FBXO17: variants seen among roughly 807,000 people sequenced by gnomAD.
The protein encoded by FBXO17 is F-box only protein 17.
FBXO17 carries 43 observed loss-of-function variants against 34.1 expected under a neutral mutation model. The ratio of observed to expected loss-of-function variants is 1.26; its 90% CI spans 0.99 to 1.62. The LOEUF is 1.62. FBXO17 is among the 40% of genes most tolerant of loss of function. The pLI, the probability that FBXO17 is intolerant of heterozygous loss-of-function variation, is 0.00. For synonymous variants in FBXO17, 169 were observed against 166.0 expected, an observed-to-expected ratio of 1.02 and a Z score of -0.14; for missense variants, 424 against 386.7, an observed-to-expected ratio of 1.10 and a Z score of -0.81.
At chr19:38,962,573 C>T (rs1269121477) in intron 1 of FBXO17, among the ~76,000 whole-genome samples, 2 of 152,140 alleles carry the variant, frequency 1.3e-5, no homozygotes, top group Non-Finnish European at 2.9e-5. Flanking sequence ...ATAGGGATGC[C>T]TTTGTCCTTC....
At chr19:38,949,528 CCCA>C (rs1975038194) in intron 2 of FBXO17, among the ~76,000 whole-genome samples, 1 of 150,458 alleles carries the variant, frequency 6.6e-6, no homozygotes, top group Non-Finnish European at 1.5e-5. Flanking sequence ...GCTACTGCAC[CCCA>C]CCATTTTTTT....
intron 1 of FBXO17, among the ~76,000 whole-genome samples, chr19:38,951,030 T>C (rs1975075996): frequency 6.6e-6 from 1 of 152,146 alleles, no homozygotes; most frequent in African/African-American, 2.4e-5. Context: ...GACTTCGTGA[T>C]CCACCCACTT....
chr19:38,946,363 C>A, intron 4 of FBXO17, 109 bp downstream of exon 4: 1 of 1,525,684 alleles, frequency 6.6e-7, no homozygotes, highest in Non-Finnish European at 8.9e-7. Context: ...AAAGGGTGCA[C>A]AGTGACAGCC....
chr19:38,945,413 TG>T, intron 4 of FBXO17: 1 of 131,474 alleles, frequency 7.6e-6, no homozygotes. Context: ...AGCCAGAGCC[TG>T]GGGGAGGGTC....
At chr19:38,954,708 T>C (rs1382888628) in intron 1 of FBXO17, among the ~76,000 whole-genome samples, 1 of 147,272 alleles carries the variant, frequency 6.8e-6, no homozygotes, top group African/African-American at 2.5e-5. Context: ...GCCTCCTGAG[T>C]AGCTGGGATT....
chr19:38,944,459 G>A (rs1294195894), intron 5 of FBXO17, among the ~76,000 whole-genome samples: 1 of 152,028 alleles, frequency 6.6e-6, no homozygotes, highest in Non-Finnish European at 1.5e-5. Flanking sequence ...GCCCAGGCTG[G>A]CCTCAAACTC....
At chr19:38,955,484 CTTTTTTT>C (rs1223708955) in intron 1 of FBXO17, among the ~76,000 whole-genome samples, 1 of 133,714 alleles carries the variant, frequency 7.5e-6, no homozygotes, top group South Asian at 2.5e-4. Context: ...TTCTTTCTTT[CTTTTTTT>C]TTTTTTTTTT....
At chr19:38,973,843 T>TG (rs1025979724) in intron 1 of FBXO17, among the ~76,000 whole-genome samples, 9 of 149,826 alleles carry the variant, frequency 6.0e-5, no homozygotes, top group Non-Finnish European at 1.2e-4. Flanking sequence ...TGGGGTTTGG[T>TG]GGGGGGGCGT....
chr19:38,967,752 A>G (rs1975339642), intron 1 of FBXO17, among the ~76,000 whole-genome samples: 1 of 151,976 alleles, frequency 6.6e-6, no homozygotes, highest in African/African-American at 2.4e-5. Context: ...TTTTCTATAG[A>G]GATGGGTCTT....
chr19:38,953,072 TG>T, intron 1 of FBXO17, among the ~76,000 whole-genome samples: 1 of 151,902 alleles, frequency 6.6e-6, no homozygotes, highest in Middle Eastern at 3.4e-3. Context: ...GAGGGCAAGG[TG>T]GGAGGACTGC....
At chr19:38,973,353 C>T (rs192451053) in intron 1 of FBXO17, among the ~76,000 whole-genome samples, 41 of 152,130 alleles carry the variant, frequency 2.7e-4, no homozygotes, top group African/African-American at 7.5e-4. Context: ...CCAGCCTGGG[C>T]GACAGAGAGA....
At chr19:38,972,896 A>T (rs1286588743) in intron 1 of FBXO17, among the ~76,000 whole-genome samples, 1 of 151,934 alleles carries the variant, frequency 6.6e-6, no homozygotes, top group African/African-American at 2.4e-5. Context: ...AGTAGCTGGG[A>T]TTACAGGTAC....
rs1476836659 is a variant in FBXO17 at position 38,950,287 on chromosome 19, C to G, written c.33G>C (p.Pro11=). 1 of 1,440,908 alleles carries G rather than the reference C, an allele frequency of 6.9e-7. No individual in the cohort carries two copies. Among genetic ancestry groups the G allele is most frequent in the Non-Finnish European group, 9.0e-7 (1 of 1,106,686 alleles). The allele number at this position is 1,440,908 out of a possible 1,614,324, so 89.3% of individuals were successfully genotyped here. A position where few individuals can be genotyped will look rare whatever the true frequency, so the allele number is the denominator to read the frequency against. The part of the protein sequence containing the change: MGARLSRRRL[P]ADPSLALDAL... Reference sequence around the variant, plus strand: ...CGTCCAGGGCCAGGGATGGGTCCGCCGGCAGCCGTCGCCGCGATAGCCGGG... The same window carrying G: ...CGTCCAGGGCCAGGGATGGGTCCGCGGGCAGCCGTCGCCGCGATAGCCGGG... The change falls in exon 2 of 6, where the codon CCG becomes CCC. Residue 11 remains proline (P), a synonymous_variant. Transcript: ENST00000292852.
At chr19:38,955,844 C>A (rs1396593716) in intron 1 of FBXO17, among the ~76,000 whole-genome samples, 1 of 151,978 alleles carries the variant, frequency 6.6e-6, no homozygotes, top group Non-Finnish European at 1.5e-5. Context: ...TCTCTTTATA[C>A]CTCAGTTTCC....
chr19:38,963,809 A>C (rs2144837356), intron 1 of FBXO17, among the ~76,000 whole-genome samples: 1 of 150,600 alleles, frequency 6.6e-6, no homozygotes, highest in East Asian at 2.0e-4. Context: ...TTGGAGACAG[A>C]GTCTTGTTCT....
intron 1 of FBXO17, among the ~76,000 whole-genome samples, chr19:38,955,480 C>T (rs1163972856): frequency 6.9e-6 from 1 of 144,480 alleles, no homozygotes; most frequent in Admixed American, 6.9e-5. Flanking sequence ...CATTTTCTTT[C>T]TTTCTTTTTT....
intron 1 of FBXO17, among the ~76,000 whole-genome samples, chr19:38,963,024 T>C (rs1259930928): frequency 2.0e-5 from 3 of 152,142 alleles, no homozygotes. Context: ...CTACATTCGT[T>C]AGCATTCTCT....
chr19:38,970,216 AT>A (rs374051610), intron 1 of FBXO17, among the ~76,000 whole-genome samples: 3 of 150,412 alleles, frequency 2.0e-5, no homozygotes, highest in Non-Finnish European at 4.4e-5. Context: ...AAAAAAAAAA[AT>A]TTTTTTTTGA....
In FBXO17 at chr19:38,942,725, G is replaced by A; in HGVS notation, c.720C>T (p.Gly240=). The part of the protein sequence containing the change: ...RQVSHVFTNF[G]KGIRYVSFEQ... ...CAAAAGATACGTAGCGGATGCCCTT[G>A]CCAAAGTTGGTGAAGACGTGGGAGA... The change falls in exon 6 of 6, where the codon GGC becomes GGT. Residue 240 remains glycine (G), a synonymous_variant. Coordinates refer to ENST00000292852, the MANE Select transcript of FBXO17 (RefSeq NM_024907.7). 1 of 1,606,796 alleles carries A rather than the reference G, an allele frequency of 6.2e-7. No homozygotes were observed. Among genetic ancestry groups the A allele is most frequent in the Non-Finnish European group, 8.5e-7 (1 of 1,177,082 alleles).
Sources: gnomAD v4.1 joint callset for allele counts (sites outside exome capture counted in the v4.1 genomes callset) on GRCh38, gnomAD v4.1.1 for gene constraint, MANE v1.5 for transcripts, NCBI Gene and HGNC (gene_info 2026-07-23, HGNC 2026-07-21) for gene names.